Variants in NEDD1 observed in about 807,000 individuals in gnomAD.
NEDD1 encodes the protein protein NEDD1.
NEDD1 carries 33 observed loss-of-function variants against 74.0 expected under a neutral mutation model. The ratio of observed to expected loss-of-function variants is 0.45; its 90% CI spans 0.34 to 0.60. NEDD1 has a LOEUF of 0.60. Among genes scored for constraint, NEDD1 ranks in the 20% least tolerant of loss-of-function variants. NEDD1 has a pLI of 0.01. For synonymous variants in NEDD1, 250 were observed against 264.4 expected, an observed-to-expected ratio of 0.95 and a Z score of 0.53; for missense variants, 746 against 776.5, an observed-to-expected ratio of 0.96 and a Z score of 0.47.
intron 10 of NEDD1, 29 bp downstream of exon 10, chr12:96,940,566 T>G: frequency 6.6e-7 from 1 of 1,514,504 alleles, no homozygotes; most frequent in Non-Finnish European, 9.0e-7. Flanking sequence ...TCCTGTTCTC[T>G]TGCTGGTAGT....
At chr12:96,932,220 ATTCTT>A (rs1876558133) in intron 6 of NEDD1, among the ~76,000 whole-genome samples, 1 of 151,082 alleles carries the variant, frequency 6.6e-6, no homozygotes, top group Non-Finnish European at 1.5e-5. Flanking sequence ...TCTTGATTTA[ATTCTT>A]TTCTTATAAA....
chr12:96,927,604 A>G (rs1287525629), intron 6 of NEDD1, among the ~76,000 whole-genome samples: 1 of 152,236 alleles, frequency 6.6e-6, no homozygotes, highest in East Asian at 1.9e-4. Flanking sequence ...AATGATCTTT[A>G]AATGTAGGTT....
rs921496077 is a variant in NEDD1, at chr12:96,940,424, T to C, written c.1133T>C (p.Ile378Thr). 6.3e-7 allele frequency: 1 copy of C among 1,594,458 alleles called. No individual in the cohort carries two copies. Among genetic ancestry groups the C allele is most frequent in the Non-Finnish European group, 8.6e-7 (1 of 1,164,402 alleles). ...VQEKAGLPRS[I>T]NTDTLSKETD... Reference sequence around the variant, plus strand: ...TTCCTATAAGGTTTGCCTCGAAGCATAAACACAGACACTTTATCTAAGGAA... The same window carrying C: ...TTCCTATAAGGTTTGCCTCGAAGCACAAACACAGACACTTTATCTAAGGAA... The change falls in exon 10 of 16, where the codon ATA becomes ACA. Residue 378 changes from isoleucine to threonine, a missense_variant. By Grantham distance (89) the Ile-to-Thr change is moderately conservative (BLOSUM62 -1). Transcript: ENST00000266742.
intron 4 of NEDD1, among the ~76,000 whole-genome samples, chr12:96,917,068 G>A (rs1221238839): frequency 6.6e-6 from 1 of 152,158 alleles, no homozygotes; most frequent in African/African-American, 2.4e-5. Context: ...GGGAACAGTT[G>A]AAGTCAGGCT....
chr12:96,914,359 T>C (rs1874227438), intron 4 of NEDD1, among the ~76,000 whole-genome samples: 2 of 152,216 alleles, frequency 1.3e-5, no homozygotes, highest in Non-Finnish European at 2.9e-5. Context: ...AGATGGTATT[T>C]ACAAGTGTGA....
chr12:96,916,978 T>G (rs990392683), intron 4 of NEDD1, among the ~76,000 whole-genome samples: 1 of 152,064 alleles, frequency 6.6e-6, no homozygotes, highest in Non-Finnish European at 1.5e-5. Flanking sequence ...ACTGATAGAT[T>G]GGAGGGGAGG....
chr12:96,914,596 T>A (rs1032226759), intron 4 of NEDD1, among the ~76,000 whole-genome samples: 44 of 152,324 alleles, frequency 2.9e-4, no homozygotes, highest in African/African-American at 9.9e-4. Context: ...AATAACCTTT[T>A]TGTAACTTCC....
intron 5 of NEDD1, among the ~76,000 whole-genome samples, chr12:96,919,310 T>TA (rs199642694): frequency 0.02 from 3,060 of 152,290 alleles, 110 homozygotes; most frequent in African/African-American, 0.068. Context: ...ACTTAGCAGT[T>TA]ACGTGAGCTT....
chr12:96,917,578 GCT>G, intron 4 of NEDD1, 41 bp from the exon 5 acceptor site: 1 of 1,479,226 alleles, frequency 6.8e-7, no homozygotes, highest in Non-Finnish European at 8.9e-7. Context: ...TCAGCTCTGG[GCT>G]CTGTTAAATT....
Position 96,923,358 on chromosome 12 carries a change from A to G in NEDD1, c.489+3233A>G, listed in dbSNP as rs61146311. On this transcript the variant is annotated intron_variant, in intron 6 of 15. Transcript: ENST00000266742. ...GTCTTTTTTTAAGATACATGTTTTT[A>G]TTTATTTTGAGTAAATACTTAGGAG... Among the ~76,000 whole-genome samples the G allele has an allele frequency of 9.5e-3, 1,450 of 152,100 alleles. 26 individuals carry two copies. Among genetic ancestry groups the G allele is most frequent in the African/African-American group, 0.033 (1,364 of 41,486 alleles).
At chr12:96,937,430 G>GC in intron 9 of NEDD1, 37 bp downstream of exon 9, 9 of 1,112,504 alleles carry the variant, frequency 8.1e-6, no homozygotes, top group Non-Finnish European at 6.0e-6. Context: ...GGGTTGGTTT[G>GC]TTTTTTTTTT....
In NEDD1 at chr12:96,942,598, G is replaced by T; in HGVS notation, c.1268G>T (p.Ser423Ile). 1 of 1,525,222 alleles carries T rather than the reference G, an allele frequency of 6.6e-7. No individual in the cohort carries two copies. The highest frequency in any genetic ancestry group is 9.1e-7 in the Non-Finnish European group (1 of 1,101,144). 94.5% of individuals were successfully genotyped at this position (1,525,222 alleles called of 1,614,324 possible). A position where few individuals can be genotyped will look rare whatever the true frequency, so the allele number is the denominator to read the frequency against. ...ATAGATGCTGTAGTTAACAAGGGAA[G>T]TGATGAGTCCATAGGCAAAGGAGAT... ...IRDDAVVNKG[S>I]DESIGKGDGF... Residue 423 changes from serine (S) to isoleucine (I), a missense_variant, in exon 11 of 16, where the codon AGT becomes ATT. This residue lies in a region of NEDD1 where 706 missense variants were observed against 706.7 expected (regional missense o/e 1.00). Transcript: ENST00000266742.
At chr12:96,923,999 T>A (rs539211587) in intron 6 of NEDD1, among the ~76,000 whole-genome samples, 1 of 152,312 alleles carries the variant, frequency 6.6e-6, no homozygotes, top group Non-Finnish European at 1.5e-5. Flanking sequence ...TGTTTTCTTT[T>A]AGAAGCTTTG....
intron 6 of NEDD1, among the ~76,000 whole-genome samples, chr12:96,927,786 G>T (rs1875874381): frequency 6.6e-6 from 1 of 152,072 alleles, no homozygotes; most frequent in Non-Finnish European, 1.5e-5. Context: ...TCTCAAGAAT[G>T]AATCTATTCT....
Position 96,912,711 on chromosome 12 carries a change from C to G in NEDD1, c.137-12C>G, listed in dbSNP as rs1250538922. 1 of 1,332,186 alleles carries G rather than the reference C, an allele frequency of 7.5e-7. No individual in the cohort carries two copies. The allele number at this position is 1,332,186 out of a possible 1,614,324, so 82.5% of individuals were successfully genotyped here. On this transcript the variant is annotated splice_polypyrimidine_tract_variant and intron_variant, in intron 3 of 15. Coordinates refer to ENST00000266742, the MANE Select transcript of NEDD1 (RefSeq NM_152905.4). ...TCATGGATTGTTTGATGCTCCATAACTCCTCATTTAGATAACTTTTTAGTA... is the reference window on the plus strand; with the variant it reads ...TCATGGATTGTTTGATGCTCCATAAGTCCTCATTTAGATAACTTTTTAGTA...
chr12:96,911,024 CCTT>C (rs1873869118), intron 3 of NEDD1, among the ~76,000 whole-genome samples: 1 of 152,132 alleles, frequency 6.6e-6, no homozygotes, highest in African/African-American at 2.4e-5. Flanking sequence ...AAATTTACCT[CCTT>C]ATCATTCCTT....
chr12:96,940,457 G>T lies in NEDD1; in HGVS notation c.1166G>T (p.Ser389Ile), dbSNP rs1469624650. The T allele has an allele frequency of 1.2e-6, 2 of 1,603,502 alleles. No individual in the cohort carries two copies. The highest frequency in any genetic ancestry group is 1.3e-5 in the African/African-American group (1 of 74,716). ...GACACTTTATCTAAGGAAACAGACAGTGGAAAAAATCAGGATTTCTCCAGC... is the reference window on the plus strand; with the variant it reads ...GACACTTTATCTAAGGAAACAGACATTGGAAAAAATCAGGATTTCTCCAGC... ...NTDTLSKETDSGKNQDFSSFD... is the reference protein window; with the variant it reads ...NTDTLSKETDIGKNQDFSSFD... The change falls in exon 10 of 16, where the codon AGT becomes ATT. Residue 389 changes from serine (S) to isoleucine (I), a missense_variant. Physicochemically the swap from Ser to Ile is moderately radical, Grantham distance 142 (BLOSUM62 -2). Transcript: ENST00000266742.
intron 14 of NEDD1, among the ~76,000 whole-genome samples, chr12:96,947,549 T>A (rs1285679341): frequency 6.6e-6 from 1 of 152,124 alleles, no homozygotes; most frequent in Non-Finnish European, 1.5e-5. Flanking sequence ...TAATGGGTGC[T>A]GTCTATTTAT....
rs1242209684 is a variant in NEDD1, at chr12:96,916,362, G to A, written c.232-1259G>A. Among the ~76,000 whole-genome samples the A allele has an allele frequency of 2.8e-5, 4 of 141,860 alleles. No homozygotes were observed. In the South Asian group the frequency reaches 7.1e-4, roughly 25 times the overall value. The allele number at this position is 141,860 out of a possible 152,430, so 93.1% of individuals were successfully genotyped here. A position where few individuals can be genotyped will look rare whatever the true frequency, so the allele number is the denominator to read the frequency against. The stretch of plus-strand genomic sequence containing the variant: ...GCTGGTGCGCTGCACCCACTAACTC[G>A]TCATCTAGCATTAGGTATATCTCCC... On this transcript the variant is annotated intron_variant, in intron 4 of 15. Coordinates refer to ENST00000266742, the MANE Select transcript of NEDD1 (RefSeq NM_152905.4).
Sources: allele counts gnomAD v4.1 joint callset (sites outside exome capture counted in the v4.1 genomes callset), GRCh38; gene constraint gnomAD v4.1.1; regional missense constraint gnomAD v4.1.1; transcripts MANE v1.5; gene names NCBI Gene and HGNC (gene_info 2026-07-23, HGNC 2026-07-21).